Variants in RSPO1 observed in about 807,000 individuals in gnomAD.
RSPO1 encodes R-spondin 1, also known as R-spondin-1.
Under a neutral mutation model 26.0 loss-of-function variants are expected in RSPO1, and 18 were observed. The observed-to-expected ratio is 0.69, with a 90% CI of 0.48 to 1.03. RSPO1 has a LOEUF of 1.03. RSPO1 is among the 50% of genes least tolerant of loss of function. RSPO1 has a pLI of 0.00. For synonymous variants in RSPO1, 133 were observed against 137.4 expected (o/e 0.97, Z 0.22); for missense variants, 309 against 352.3 (o/e 0.88, Z 0.98).
intron 3 of RSPO1, among the ~76,000 whole-genome samples, chr1:37,623,130 G>A (rs1212465313): frequency 5.9e-5 from 9 of 151,600 alleles, no homozygotes; most frequent in African/African-American, 2.2e-4. Flanking sequence ...GAGGAATGGG[G>A]GCTCAGTGAC....
intron 3 of RSPO1, among the ~76,000 whole-genome samples, chr1:37,617,199 C>A (rs1454385156): frequency 7.9e-5 from 12 of 152,130 alleles, no homozygotes; most frequent in Admixed American, 7.9e-4. Context: ...TTTGACAATG[C>A]CTAGAAAGCT....
At chr1:37,624,524 G>C (rs1258556721) in intron 3 of RSPO1, among the ~76,000 whole-genome samples, 2 of 140,562 alleles carry the variant, frequency 1.4e-5, no homozygotes, top group African/African-American at 5.4e-5. Context: ...AGCCCACTTC[G>C]CTGAGCTAGC....
At chr1:37,631,544 A>T (rs11589223) in intron 2 of RSPO1, among the ~76,000 whole-genome samples, 6,132 of 152,314 alleles carry the variant, frequency 0.04, 167 homozygotes, top group Non-Finnish European at 0.062. Flanking sequence ...GTACAGCATG[A>T]TAGTCACGGG....
At position 37,611,643 on chromosome 1, in the gene RSPO1, A is replaced by G. The variant is rs868820996; in HGVS notation, c.*1112T>C. ...CTGCCTTTGGGCAGGATTGTCCCCA[A>G]CCATCACTGGAAGCCTACGCACTCC... On this transcript the variant is annotated 3_prime_UTR_variant, in exon 7 of 7. Transcript: ENST00000356545. 3 of 152,586 alleles carry G rather than the reference A, an allele frequency of 2.0e-5. No homozygotes were observed. Among genetic ancestry groups the G allele is most frequent in the African/African-American group, 4.8e-5 (2 of 41,422 alleles). 9.5% of individuals were successfully genotyped at this position (152,586 alleles called of 1,614,324 possible). A position where few individuals can be genotyped will look rare whatever the true frequency, so the allele number is the denominator to read the frequency against.
rs533162849 is a variant in RSPO1 at position 37,626,314 on chromosome 1, A to G, written c.94+3254T>C. ...TAGTGGCAAAACACTTCTTTCCAAC[A>G]GAAAAAATATGAGCACAGCTTCTCC... On this transcript the variant is annotated intron_variant, in intron 3 of 6. Coordinates refer to ENST00000356545, the MANE Select transcript of RSPO1 (RefSeq NM_001242908.2). 1.4e-4 allele frequency among the ~76,000 whole-genome samples: 22 copies of G among 152,258 alleles called. 1 individual carries two copies. The East Asian group carries it at 3.7e-3, about 25-fold the overall frequency.
intron 1 of RSPO1, among the ~76,000 whole-genome samples, chr1:37,633,263 C>T (rs773462095): frequency 6.6e-6 from 1 of 152,196 alleles, no homozygotes; most frequent in Non-Finnish European, 1.5e-5. Context: ...GTGGGGAGGG[C>T]GGGGCAACCC....
intron 3 of RSPO1, among the ~76,000 whole-genome samples, chr1:37,621,257 A>C (rs1344077481): frequency 6.6e-6 from 1 of 152,166 alleles, no homozygotes; most frequent in Non-Finnish European, 1.5e-5. Flanking sequence ...GCCTGGATGA[A>C]GGAGTTCACA....
chr1:37,612,492 G>C lies in RSPO1; in HGVS notation c.*263C>G. On this transcript the variant is annotated 3_prime_UTR_variant, in exon 7 of 7. Transcript: ENST00000356545. ...CCGAGGGATGGAAGTGTCTTCTGGT[G>C]GCCTCAGGTGTGTGTGTGTGTGTGT... 1.9e-6 allele frequency: 1 copy of C among 516,290 alleles called. No individual in the cohort carries two copies. The highest frequency in any genetic ancestry group is 2.3e-5 in the South Asian group (1 of 43,562). 32.0% of individuals were successfully genotyped at this position (516,290 alleles called of 1,614,324 possible).
chr1:37,614,120 C>G, intron 5 of RSPO1, 64 bp downstream of exon 5: 1 of 1,580,214 alleles, frequency 6.3e-7, no homozygotes, highest in Non-Finnish European at 8.6e-7. Flanking sequence ...TCTTGCCAGA[C>G]CCTTACCCGG....
intron 2 of RSPO1, among the ~76,000 whole-genome samples, chr1:37,630,216 C>A (rs1644337760): frequency 6.6e-6 from 1 of 152,196 alleles, no homozygotes; most frequent in Non-Finnish European, 1.5e-5. Flanking sequence ...ATAACGGGAG[C>A]CAGCTGGTCC....
At chr1:37,630,010 C>T in intron 2 of RSPO1, 61 bp from the exon 3 acceptor site, 3 of 763,034 alleles carry the variant, frequency 3.9e-6, no homozygotes, top group South Asian at 3.1e-5. Flanking sequence ...CCACTTATGC[C>T]TCCTGCCCTA....
At chr1:37,622,510 CA>C (rs144102086) in intron 3 of RSPO1, among the ~76,000 whole-genome samples, 2 of 150,226 alleles carry the variant, frequency 1.3e-5, no homozygotes, top group Admixed American at 6.6e-5. Flanking sequence ...GACCCTGACT[CA>C]AAAAAAAAGA....
chr1:37,615,279 G>T (rs1483917355), intron 4 of RSPO1, among the ~76,000 whole-genome samples: 1 of 152,146 alleles, frequency 6.6e-6, no homozygotes, highest in Non-Finnish European at 1.5e-5. Context: ...CTGGTGCTCT[G>T]ATTCCTGGGT....
Position 37,613,913 on chromosome 1 carries a change from G to A in RSPO1, c.437-21C>T. 1 of 1,613,050 alleles carries A rather than the reference G, an allele frequency of 6.2e-7. No homozygotes were observed. The highest frequency in any genetic ancestry group is 2.2e-5 in the East Asian group (1 of 44,878). On this transcript the variant is annotated intron_variant, in intron 5 of 6. Transcript: ENST00000356545. This position sits in a 1 kb window ranked among gnomAD's most constrained non-coding sequence, Gnocchi z 4.5. ...TTGCGCTGGCAGGAAGAGAAGGGAA[G>A]GGAGAGAAGGACAAGGAGGAGGGGA...
intron 4 of RSPO1, among the ~76,000 whole-genome samples, chr1:37,615,191 C>A (rs769356330): frequency 2.0e-5 from 3 of 152,186 alleles, no homozygotes; most frequent in Non-Finnish European, 4.4e-5. Flanking sequence ...CAGGGTCCCA[C>A]CTCTGTCCTC....
At position 37,612,488 on chromosome 1, in the gene RSPO1, T is replaced by C; in HGVS notation, c.*267A>G. ...GGGCCCGAGGGATGGAAGTGTCTTC[T>C]GGTGGCCTCAGGTGTGTGTGTGTGT... On this transcript the variant is annotated 3_prime_UTR_variant, in exon 7 of 7. Transcript: ENST00000356545. 1 of 538,650 alleles carries C rather than the reference T, an allele frequency of 1.9e-6. No homozygotes were observed. The highest frequency in any genetic ancestry group is 3.3e-6 in the Non-Finnish European group (1 of 300,532). The allele number at this position is 538,650 out of a possible 1,614,324, so 33.4% of individuals were successfully genotyped here. A position where few individuals can be genotyped will look rare whatever the true frequency, so the allele number is the denominator to read the frequency against.
rs1644024291 is a variant in RSPO1, at chr1:37,611,473, T to A, written c.*1282A>T. 1 of 152,214 alleles carries A rather than the reference T, an allele frequency of 6.6e-6. No homozygotes were observed. The highest frequency in any genetic ancestry group is 1.5e-5 in the Non-Finnish European group (1 of 68,042). 9.4% of individuals were successfully genotyped at this position (152,214 alleles called of 1,614,324 possible). On this transcript the variant is annotated 3_prime_UTR_variant, in exon 7 of 7. Transcript: ENST00000356545. ...TTATATATGTGTTTGTACAATTCCT[T>A]GGTGCATGCCTATTTTCTTCCCCAC...
intron 3 of RSPO1, among the ~76,000 whole-genome samples, chr1:37,623,723 A>G (rs1164749473): frequency 1.3e-5 from 2 of 151,836 alleles, no homozygotes; most frequent in Admixed American, 6.6e-5. Context: ...AAAGGAAAAA[A>G]AAAAAGAACA....
chr1:37,623,970 C>T (rs934465436), intron 3 of RSPO1, among the ~76,000 whole-genome samples: 4 of 151,956 alleles, frequency 2.6e-5, no homozygotes, highest in African/African-American at 9.7e-5. Flanking sequence ...CCATGTTGGC[C>T]AGGCTGGTCT....
Sources: gnomAD v4.1 joint callset for allele counts (sites outside exome capture counted in the v4.1 genomes callset) on GRCh38, gnomAD v4.1.1 for gene constraint, Gnocchi (gnomAD v3.1) non-coding constraint, MANE v1.5 for transcripts, NCBI Gene and HGNC (gene_info 2026-07-23, HGNC 2026-07-21) for gene names.